Variants in EXOC6B observed in about 807,000 individuals in gnomAD.
EXOC6B encodes exocyst complex component 6B.
EXOC6B carries 54 observed loss-of-function variants against 113.5 expected under a neutral mutation model. The ratio of observed to expected loss-of-function variants is 0.48; its 90% confidence interval spans 0.38 to 0.60. The LOEUF (loss-of-function observed/expected upper bound fraction) is 0.60. Ranked by LOEUF, EXOC6B falls within the 20% of genes least tolerant of loss-of-function variation. The probability of loss-of-function intolerance (pLI) is 0.00; values close to 1 mark genes in which losing one functional copy is unlikely to be tolerated. For synonymous variants in EXOC6B, 357 were observed against 339.0 expected (o/e 1.05, Z -0.58); for missense variants, 797 against 977.5 (o/e 0.82, Z 2.46).
At chr2:72,204,553 GAA>G (rs749675848) in intron 20 of EXOC6B, among the ~76,000 whole-genome samples, 5 of 101,640 alleles carry the variant, frequency 4.9e-5, no homozygotes, top group Admixed American at 2.6e-4. Flanking sequence ...ACCAGAAGAA[GAA>G]AAAAAAAAAA....
At chr2:72,614,255 A>C (rs1159454653) in intron 6 of EXOC6B, among the ~76,000 whole-genome samples, 2 of 152,188 alleles carry the variant, frequency 1.3e-5, no homozygotes, top group Non-Finnish European at 2.9e-5. Flanking sequence ...CTAGACATTT[A>C]ATAAAAAATG....
intron 18 of EXOC6B, among the ~76,000 whole-genome samples, chr2:72,419,985 C>T (rs1694774629): frequency 6.6e-6 from 1 of 152,074 alleles, no homozygotes; most frequent in Non-Finnish European, 1.5e-5. Context: ...CGCTTTTCTT[C>T]AATCTTTTGG....
intron 18 of EXOC6B, among the ~76,000 whole-genome samples, chr2:72,425,120 C>T (rs1695132486): frequency 6.6e-6 from 1 of 152,166 alleles, no homozygotes; most frequent in Non-Finnish European, 1.5e-5. Context: ...TCTGACTCCA[C>T]ATTTTGAGTT....
At chr2:72,739,859 G>A (rs143168634) in intron 2 of EXOC6B, among the ~76,000 whole-genome samples, 51 of 152,152 alleles carry the variant, frequency 3.4e-4, no homozygotes, top group African/African-American at 1.1e-3. Context: ...TAAGATGGCT[G>A]GATACTGTTG....
intron 20 of EXOC6B, among the ~76,000 whole-genome samples, chr2:72,280,086 T>C (rs1045147704): frequency 6.6e-6 from 1 of 152,214 alleles, no homozygotes; most frequent in African/African-American, 2.4e-5. Flanking sequence ...CAAGCATTTA[T>C]TGAGTACTTA....
intron 16 of EXOC6B, among the ~76,000 whole-genome samples, chr2:72,486,909 G>T (rs1282553806): frequency 2.0e-5 from 3 of 150,694 alleles, no homozygotes; most frequent in Non-Finnish European, 2.9e-5. Flanking sequence ...TCCCCTGCTA[G>T]CTATCACCCC....
intron 16 of EXOC6B, among the ~76,000 whole-genome samples, chr2:72,483,665 A>C (rs962438416): frequency 1.3e-5 from 2 of 152,234 alleles, no homozygotes; most frequent in Admixed American, 6.5e-5. Context: ...TTCAGAGAGA[A>C]TATTGTCTGT....
chr2:72,183,990 T>A (rs911493426), intron 21 of EXOC6B, 85 bp downstream of exon 21: 3 of 727,344 alleles, frequency 4.1e-6, no homozygotes, highest in Non-Finnish European at 7.1e-6. Context: ...TTCAAGGTAT[T>A]GGCAGTGGCA....
chr2:72,435,539 T>C (rs551470801), intron 18 of EXOC6B, among the ~76,000 whole-genome samples: 1 of 152,208 alleles, frequency 6.6e-6, no homozygotes, highest in Non-Finnish European at 1.5e-5. Context: ...TGTGGGACTC[T>C]AAGTCTTCTT....
chr2:72,553,615 C>T lies in EXOC6B; in HGVS notation c.915+5838G>A, dbSNP rs527276016. ...TGTAAATATTGAAATTTAGTATATG[C>T]CAGAGGTACTACCAGAAATCACTAA... On this transcript the variant is annotated intron_variant, in intron 8 of 21. Transcript: ENST00000272427. 1.4e-4 allele frequency among the ~76,000 whole-genome samples: 21 copies of T among 151,784 alleles called. No individual in the cohort carries two copies. In the South Asian group the frequency reaches 3.9e-3, roughly 28 times the overall value.
chr2:72,527,793 C>T (rs1701810108), intron 8 of EXOC6B, among the ~76,000 whole-genome samples: 1 of 151,928 alleles, frequency 6.6e-6, no homozygotes, highest in Non-Finnish European at 1.5e-5. Context: ...AGTATCTTCT[C>T]ATGTGCTTAT....
At chr2:72,620,582 A>G (rs778727967) in intron 6 of EXOC6B, among the ~76,000 whole-genome samples, 8 of 151,310 alleles carry the variant, frequency 5.3e-5, no homozygotes, top group Non-Finnish European at 8.8e-5. Flanking sequence ...TACCTTGCTC[A>G]ATATCCGCCT....
At chr2:72,653,141 G>C (rs1488931066) in intron 6 of EXOC6B, among the ~76,000 whole-genome samples, 1 of 151,626 alleles carries the variant, frequency 6.6e-6, no homozygotes, top group Non-Finnish European at 1.5e-5. Context: ...CAATAGCAAA[G>C]ACCTGGAACC....
chr2:72,546,247 G>T lies in EXOC6B; in HGVS notation c.915+13206C>A, dbSNP rs115553000. Among the ~76,000 whole-genome samples the T allele has an allele frequency of 3.3e-3, 496 of 152,268 alleles. 2 individuals carry two copies. Among genetic ancestry groups the T allele is most frequent in the African/African-American group, 0.011 (472 of 41,554 alleles). ...GCGGATCACCTGAAATCAAGAGTTG[G>T]AGACCAGCCTGGCCAGCATGGCAAA... On this transcript the variant is annotated intron_variant, in intron 8 of 21. Coordinates refer to ENST00000272427, the MANE Select transcript of EXOC6B (RefSeq NM_015189.3).
At chr2:72,388,685 T>C (rs1294747968) in intron 18 of EXOC6B, among the ~76,000 whole-genome samples, 1 of 152,174 alleles carries the variant, frequency 6.6e-6, no homozygotes, top group East Asian at 1.9e-4. Context: ...TGAATTTGTC[T>C]ATTCATCTTT....
chr2:72,536,214 A>G (rs1259838706), intron 8 of EXOC6B, among the ~76,000 whole-genome samples: 1 of 152,184 alleles, frequency 6.6e-6, no homozygotes, highest in Non-Finnish European at 1.5e-5. Flanking sequence ...ATTTGAGAAT[A>G]TAAGATACGT....
intron 20 of EXOC6B, among the ~76,000 whole-genome samples, chr2:72,312,123 T>C (rs1418743429): frequency 1.3e-5 from 2 of 152,190 alleles, no homozygotes; most frequent in Non-Finnish European, 2.9e-5. Context: ...AGAGACCTTT[T>C]CCCCATGAAC....
At chr2:72,601,112 ATGTGTGTGTGTATGTGTGTGTGTGTGTG>A (rs1399023160) in intron 6 of EXOC6B, among the ~76,000 whole-genome samples, 16 of 141,570 alleles carry the variant, frequency 1.1e-4, no homozygotes, top group African/African-American at 3.9e-4. Flanking sequence ...ATATATATAT[ATGTGTGTGTGTATGTGTGTGTGTGTGTG>A]TGTGTGTGTG....
chr2:72,558,076 C>T (rs1703665361), intron 8 of EXOC6B, among the ~76,000 whole-genome samples: 1 of 151,504 alleles, frequency 6.6e-6, no homozygotes, highest in Non-Finnish European at 1.5e-5. Context: ...ATTGCTGCTA[C>T]TGCAATATTA....
Sources: allele counts gnomAD v4.1 joint callset (sites outside exome capture counted in the v4.1 genomes callset), GRCh38; gene constraint gnomAD v4.1.1; transcripts MANE v1.5; gene names NCBI Gene and HGNC (gene_info 2026-07-23, HGNC 2026-07-21).